The following LEMD3 variants were observed in gnomAD, a reference collection of about 807,000 sequenced individuals.
LEMD3 encodes inner nuclear membrane protein Man1.
A neutral mutation model predicts 95.2 loss-of-function variants in LEMD3; 33 were observed. The ratio of observed to expected loss-of-function variants is 0.35; its 90% CI spans 0.26 to 0.46. The LOEUF (loss-of-function observed/expected upper bound fraction) is 0.46. LEMD3 is among the 20% of genes least tolerant of loss of function. The pLI is 1.00. For synonymous variants in LEMD3, 525 were observed against 474.6 expected (o/e 1.11, Z -1.38); for missense variants, 1,210 against 1,192.8 (o/e 1.01, Z -0.21).
In LEMD3 at chr12:65,245,872, T is replaced by C; in HGVS notation, c.2505T>C (p.Tyr835=). The stretch of plus-strand genomic sequence containing the variant: ...TTTTAATATCACAGGGTTGTGTATA[T>C]GTTAAATGTCTGTCTCCAGAATATG... The part of the protein sequence containing the change: ...VDKNSREGCV[Y]VKCLSPEYAG... The change falls in exon 12 of 13, where the codon TAT becomes TAC. Residue 835 remains tyrosine (Y), a synonymous_variant. Transcript: ENST00000308330. 4 of 1,612,270 alleles carry C rather than the reference T, an allele frequency of 2.5e-6. No individual in the cohort carries two copies. The highest frequency in any genetic ancestry group is 1.3e-5 in the African/African-American group (1 of 75,006).
intron 1 of LEMD3, among the ~76,000 whole-genome samples, chr12:65,173,065 C>G (rs1350330661): frequency 1.3e-5 from 2 of 152,168 alleles, no homozygotes; most frequent in African/African-American, 2.4e-5. Context: ...TTAAGAAATG[C>G]ACTGAGTGTT....
intron 1 of LEMD3, among the ~76,000 whole-genome samples, chr12:65,175,333 A>T (rs1448714479): frequency 6.6e-6 from 1 of 152,170 alleles, no homozygotes; most frequent in Non-Finnish European, 1.5e-5. Context: ...TAAAAATACT[A>T]AAATCTCTAC....
intron 9 of LEMD3, among the ~76,000 whole-genome samples, chr12:65,241,454 G>C (rs759159010): frequency 6.6e-6 from 1 of 151,452 alleles, no homozygotes; most frequent in Non-Finnish European, 1.5e-5. Context: ...ATGTATATAA[G>C]TGAAGTCATA....
Position 65,170,824 on chromosome 12 carries a change from C to T in LEMD3, c.1228C>T (p.Leu410Phe), listed in dbSNP as rs939594483. Residue 410 changes from leucine (L) to phenylalanine (F), a missense_variant, in exon 1 of 13, where the codon CTC (leucine) becomes TTC (phenylalanine). Around this residue, in one of 2 missense-constraint regions of LEMD3, gnomAD observed 749 missense variants for 622.9 expected, o/e 1.20. Transcript: ENST00000308330. ...CTCCCCCAGGATTTATTCTAACAGT[C>T]TCCCTCCCAGTGCGGCGGTGGCCGC... Reference protein sequence around the residue: ...VDSPRIYSNSLPPSAAVAASS... With the variant: ...VDSPRIYSNSFPPSAAVAASS... The T allele has an allele frequency of 3.7e-6, 6 of 1,614,218 alleles. No homozygotes were observed. The highest frequency in any genetic ancestry group is 5.1e-6 in the Non-Finnish European group (6 of 1,180,024).
chr12:65,183,141 C>T (rs150842877), intron 1 of LEMD3, among the ~76,000 whole-genome samples: 2 of 152,138 alleles, frequency 1.3e-5, no homozygotes, highest in African/African-American at 4.8e-5. Flanking sequence ...CACACAGTAG[C>T]CACGTTAAAA....
At chr12:65,211,158 CCTAA>C (rs773761070) in intron 2 of LEMD3, among the ~76,000 whole-genome samples, 195 bp downstream of exon 2, 13 of 151,954 alleles carry the variant, frequency 8.6e-5, no homozygotes, top group Non-Finnish European at 1.3e-4. Flanking sequence ...CTGAGTATTC[CCTAA>C]CTGTCGTATA....
At chr12:65,197,358 C>A (rs1260425830) in intron 1 of LEMD3, among the ~76,000 whole-genome samples, 1 of 152,064 alleles carries the variant, frequency 6.6e-6, no homozygotes, top group Non-Finnish European at 1.5e-5. Flanking sequence ...TTCTCTCACT[C>A]CACTACAAGT....
At position 65,238,814 on chromosome 12, in the gene LEMD3, G is replaced by C; in HGVS notation, c.1921G>C (p.Gly641Arg). Residue 641 changes from glycine to arginine, a missense_variant and splice_region_variant, in exon 6 of 13, where the codon GGT becomes CGT. By Grantham distance (125) the Gly-to-Arg change is moderately radical (BLOSUM62 -2). This residue lies in a region of LEMD3 where 461 missense variants were observed against 569.8 expected (regional missense o/e 0.81). Transcript: ENST00000308330. The part of the protein sequence containing the change: ...VTHRLLLLCL[G>R]VVMVCVVLRY... ...TCACAGATTATTGTTGTTATGCTTAGGTAAGTTGTAAAGATAAGAAATGAG... is the reference window on the plus strand; with the variant it reads ...TCACAGATTATTGTTGTTATGCTTACGTAAGTTGTAAAGATAAGAAATGAG... 6.2e-7 allele frequency: 1 copy of C among 1,613,964 alleles called. No homozygotes were observed. The highest frequency in any genetic ancestry group is 8.5e-7 in the Non-Finnish European group (1 of 1,179,934).
chr12:65,181,925 A>C (rs1166258521), intron 1 of LEMD3, among the ~76,000 whole-genome samples: 1 of 151,934 alleles, frequency 6.6e-6, no homozygotes, highest in Non-Finnish European at 1.5e-5. Context: ...TCATCTCTAA[A>C]TGTCCCGTCT....
chr12:65,193,731 G>GGTGTGTGTGT (rs1555192993), intron 1 of LEMD3, among the ~76,000 whole-genome samples: 1 of 38,392 alleles, frequency 2.6e-5, no homozygotes, highest in Admixed American at 2.9e-4. Flanking sequence ...AACATAACTG[G>GGTGTGTGTGT]CTGTGTGTGT....
At chr12:65,241,428 T>A (rs769831123) in intron 9 of LEMD3, among the ~76,000 whole-genome samples, 6 of 151,348 alleles carry the variant, frequency 4.0e-5, no homozygotes, top group Non-Finnish European at 5.9e-5. Flanking sequence ...TACAATAAAA[T>A]ATATATAAAC....
At chr12:65,202,347 T>C (rs1344800617) in intron 1 of LEMD3, among the ~76,000 whole-genome samples, 1 of 152,112 alleles carries the variant, frequency 6.6e-6, no homozygotes, top group Non-Finnish European at 1.5e-5. Flanking sequence ...AGATGCTTTT[T>C]CTGCATTTGT....
intron 1 of LEMD3, among the ~76,000 whole-genome samples, chr12:65,200,510 C>T (rs1592441395): frequency 6.6e-6 from 1 of 152,228 alleles, no homozygotes; most frequent in Middle Eastern, 3.4e-3. Flanking sequence ...TCACTGCATT[C>T]GTGATGTCAG....
intron 1 of LEMD3, among the ~76,000 whole-genome samples, chr12:65,193,742 G>A (rs1869320348): frequency 7.2e-6 from 1 of 138,514 alleles, no homozygotes; most frequent in South Asian, 2.3e-4. Context: ...CTGTGTGTGT[G>A]TGTGTGTGTG....
rs12230966 is a variant in LEMD3 at position 65,193,247 on chromosome 12, A to G, written c.1523-17679A>G. Among the ~76,000 whole-genome samples the G allele has an allele frequency of 0.015, 2,325 of 152,260 alleles. 89 individuals are homozygous for G. The East Asian group carries it at 0.17, about 11-fold the overall frequency. ...AAAGCTTTAAAGCAGGAATGAAAGG[A>G]AGTAAAGTATACTTGGAAGAGGGCC... On this transcript the variant is annotated intron_variant, in intron 1 of 12. Coordinates refer to ENST00000308330, the MANE Select transcript of LEMD3 (RefSeq NM_014319.5).
chr12:65,238,339 CTTT>C (rs917036550), intron 4 of LEMD3, among the ~76,000 whole-genome samples, 160 bp from the exon 5 acceptor site: 4 of 151,262 alleles, frequency 2.6e-5, no homozygotes, highest in African/African-American at 9.7e-5. Flanking sequence ...AAAATGCTAA[CTTT>C]TTTTTTCTTT....
At chr12:65,202,666 A>G (rs1869641408) in intron 1 of LEMD3, among the ~76,000 whole-genome samples, 1 of 152,160 alleles carries the variant, frequency 6.6e-6, no homozygotes, top group Non-Finnish European at 1.5e-5. Context: ...AATCTTTGGA[A>G]GAATTCTCCA....
intron 4 of LEMD3, among the ~76,000 whole-genome samples, chr12:65,238,038 G>A (rs567418919): frequency 6.6e-6 from 1 of 152,188 alleles, no homozygotes; most frequent in Non-Finnish European, 1.5e-5. Flanking sequence ...GGAGTCCAAG[G>A]CTGGCGGATC....
At chr12:65,241,147 T>G (rs563675201) in intron 9 of LEMD3, 60 bp downstream of exon 9, 1 of 1,399,486 alleles carries the variant, frequency 7.1e-7, no homozygotes, top group South Asian at 1.2e-5. Context: ...ATGACAAATA[T>G]GTGTTAAGTG....
Sources: gnomAD v4.1 joint callset for allele counts (sites outside exome capture counted in the v4.1 genomes callset) on GRCh38, gnomAD v4.1.1 for gene constraint, gnomAD v4.1.1 regional missense constraint, MANE v1.5 for transcripts, NCBI Gene and HGNC (gene_info 2026-07-23, HGNC 2026-07-21) for gene names.